SIK3: variants seen among roughly 807,000 people sequenced by gnomAD.
The protein encoded by SIK3 is serine/threonine-protein kinase SIK3.
Under a neutral mutation model 144.2 loss-of-function variants are expected in SIK3, and 28 were observed. The observed-to-expected ratio is 0.19, with a 90% CI of 0.14 to 0.27. SIK3 has a LOEUF of 0.27. SIK3 is among the 10% of genes least tolerant of loss of function. The pLI, the probability that SIK3 is intolerant of heterozygous loss-of-function variation, is 1.00. For synonymous variants in SIK3, 686 were observed against 676.3 expected, an observed-to-expected ratio of 1.01 and a Z score of -0.22; for missense variants, 1,319 against 1,776.0, an observed-to-expected ratio of 0.74 and a Z score of 4.62.
At chr11:117,032,995 A>C (rs1397756319) in intron 1 of SIK3, among the ~76,000 whole-genome samples, 1 of 152,202 alleles carries the variant, frequency 6.6e-6, no homozygotes, top group African/African-American at 2.4e-5. Context: ...GTCCTTACAA[A>C]AAGGTCCAGG....
chr11:117,026,709 C>G (rs947126814), intron 1 of SIK3, among the ~76,000 whole-genome samples: 3 of 152,176 alleles, frequency 2.0e-5, no homozygotes, highest in Non-Finnish European at 4.4e-5. Context: ...AATGGGCATA[C>G]CTCTGCCACA....
At position 116,857,931 on chromosome 11, in the gene SIK3, G is replaced by A. The variant is rs541502159; in HGVS notation, c.3534C>T (p.Thr1178=). The A allele has an allele frequency of 4.2e-5, 67 of 1,614,162 alleles. No homozygotes were observed. The highest frequency in any genetic ancestry group is 1.6e-4 in the Middle Eastern group (1 of 6,062). ...GCHDSPLLLS[T]GGPGDPESLL... is the part of the protein sequence containing the mutation. ...AAGATTCAGGGTCCCCAGGTCCACCGGTACTCAAGAGCAGAGGGCTGTCAT... is the reference window on the plus strand; with the variant it reads ...AAGATTCAGGGTCCCCAGGTCCACCAGTACTCAAGAGCAGAGGGCTGTCAT... Residue 1178 remains threonine (T), a synonymous_variant, in exon 21 of 25, where the codon ACC becomes ACT. Transcript: ENST00000445177.
At chr11:116,922,293 A>C (rs1036653633) in intron 4 of SIK3, among the ~76,000 whole-genome samples, 3 of 152,156 alleles carry the variant, frequency 2.0e-5, no homozygotes, top group African/African-American at 7.2e-5. Context: ...GGTTGAGGCC[A>C]AGAGTTTGAG....
chr11:116,870,383 G>A lies in SIK3; in HGVS notation c.1756C>T (p.Pro586Ser), dbSNP rs1943904332. 3 of 1,612,384 alleles carry A rather than the reference G, an allele frequency of 1.9e-6. No individual in the cohort carries two copies. The highest frequency in any genetic ancestry group is 1.1e-5 in the South Asian group (1 of 91,010). The part of the protein sequence containing the change: ...TMTPAVPAVT[P>S]VDEESSDGEP... ...CCGTCTGAGCTCTCCTCGTCCACAG[G>A]GGTAACTGCTGGCACTGCCTGAAGA... is the stretch of plus-strand genomic sequence containing the variant. Residue 586 changes from proline (P) to serine (S), a missense_variant, in exon 14 of 25, where the codon CCT becomes TCT. Around this residue, in one of 8 missense-constraint regions of SIK3, gnomAD observed 167 missense variants for 263.3 expected, o/e 0.63. Coordinates refer to ENST00000445177, the MANE Select transcript of SIK3 (RefSeq NM_001366686.3).
At chr11:117,077,191 T>A (rs2136031937) in intron 1 of SIK3, among the ~76,000 whole-genome samples, 1 of 152,262 alleles carries the variant, frequency 6.6e-6, no homozygotes, top group Admixed American at 6.5e-5. Flanking sequence ...TGGAATGACA[T>A]GACAGGACAT....
chr11:116,850,206 C>T (rs1298534944), intron 21 of SIK3, among the ~76,000 whole-genome samples: 2 of 152,188 alleles, frequency 1.3e-5, no homozygotes, highest in African/African-American at 4.8e-5. Flanking sequence ...CATAACCAAT[C>T]CCCTACTACT....
At chr11:116,898,803 C>T (rs1945572737) in intron 4 of SIK3, among the ~76,000 whole-genome samples, 1 of 151,978 alleles carries the variant, frequency 6.6e-6, no homozygotes, top group Non-Finnish European at 1.5e-5. Context: ...ATGTCCTTTG[C>T]CCACTTTTTG....
intron 1 of SIK3, among the ~76,000 whole-genome samples, chr11:117,079,858 A>G (rs1565623651): frequency 6.6e-6 from 1 of 152,238 alleles, no homozygotes; most frequent in East Asian, 1.9e-4. Flanking sequence ...TAAGGTAACT[A>G]ATTTCCCTAA....
intron 1 of SIK3, among the ~76,000 whole-genome samples, chr11:117,070,592 G>A (rs577700955): frequency 9.9e-5 from 15 of 151,796 alleles, no homozygotes; most frequent in Admixed American, 3.3e-4. Context: ...GATGACAGGC[G>A]CCCGCCATCA....
chr11:117,064,715 G>T (rs527958549), intron 1 of SIK3, among the ~76,000 whole-genome samples: 1 of 152,286 alleles, frequency 6.6e-6, no homozygotes, highest in African/African-American at 2.4e-5. Context: ...CAAAGGCAGG[G>T]TAATTAGTAG....
At chr11:116,847,734 T>G (rs938528155) in intron 22 of SIK3, 126 bp from the exon 23 acceptor site, 1 of 1,124,094 alleles carries the variant, frequency 8.9e-7, no homozygotes, top group Non-Finnish European at 1.3e-6. Context: ...TCCAGACTCC[T>G]TCCTCTAAAG....
At chr11:117,046,440 T>C (rs997745234) in intron 1 of SIK3, among the ~76,000 whole-genome samples, 1 of 152,248 alleles carries the variant, frequency 6.6e-6, no homozygotes, top group African/African-American at 2.4e-5. Flanking sequence ...AGGTGTCTCC[T>C]TGAATATTCT....
chr11:117,058,613 G>C (rs151322937), intron 1 of SIK3, among the ~76,000 whole-genome samples: 18 of 152,018 alleles, frequency 1.2e-4, no homozygotes, highest in African/African-American at 4.4e-4. Flanking sequence ...CTTTTTAAAG[G>C]TCACTCTGCT....
At chr11:116,914,924 T>C (rs1179432978) in intron 4 of SIK3, among the ~76,000 whole-genome samples, 1 of 152,214 alleles carries the variant, frequency 6.6e-6, no homozygotes, top group Admixed American at 6.5e-5. Flanking sequence ...TTTTCTATGA[T>C]TTATGATACA....
At chr11:117,090,811 G>A (rs919117143) in intron 1 of SIK3, among the ~76,000 whole-genome samples, 2 of 152,112 alleles carry the variant, frequency 1.3e-5, no homozygotes, top group Non-Finnish European at 2.9e-5. Flanking sequence ...GTGACAGAGT[G>A]GTATAATGCC....
intron 4 of SIK3, among the ~76,000 whole-genome samples, chr11:116,902,898 C>T: frequency 6.6e-6 from 1 of 152,136 alleles, no homozygotes; most frequent in East Asian, 1.9e-4. Flanking sequence ...GGATCTGATC[C>T]ACTCTCCCTT....
rs1428497618 is a variant in SIK3 at position 116,844,632 on chromosome 11, ATATTATAT to A, written c.*1003_*1010del. 1.9e-3 allele frequency: 107 copies of A among 55,980 alleles called. No homozygotes were observed. The highest frequency in any genetic ancestry group is 5.7e-3 in the African/African-American group (78 of 13,614). The allele number at this position is 55,980 out of a possible 1,614,324, so 3.5% of individuals were successfully genotyped here. The stretch of plus-strand genomic sequence containing the variant: ...ATTATATATATAATATATATATAAT[ATATTATAT>A]TATATATTATATATATAATATATAT... On this transcript the variant is annotated 3_prime_UTR_variant, in exon 25 of 25. Coordinates refer to ENST00000445177, the MANE Select transcript of SIK3 (RefSeq NM_001366686.3).
At chr11:116,918,861 G>A (rs560395334) in intron 4 of SIK3, among the ~76,000 whole-genome samples, 1 of 152,346 alleles carries the variant, frequency 6.6e-6, no homozygotes, top group South Asian at 2.1e-4. Flanking sequence ...ATTCAAGAGA[G>A]ATAATATTTC....
At position 116,858,129 on chromosome 11, in the gene SIK3, T is replaced by G. The variant is rs547832673; in HGVS notation, c.3336A>C (p.Gln1112His). 1.2e-6 allele frequency: 2 copies of G among 1,614,096 alleles called. No homozygotes were observed. The highest frequency in any genetic ancestry group is 1.3e-5 in the African/African-American group (1 of 75,020). The change falls in exon 21 of 25, where the codon CAA becomes CAC. Residue 1112 changes from glutamine (Q) to histidine (H), a missense_variant. This residue lies in a region of SIK3 where 646 missense variants were observed against 763.7 expected (regional missense o/e 0.85). Coordinates refer to ENST00000445177, the MANE Select transcript of SIK3 (RefSeq NM_001366686.3). The surrounding 1 kb of genome is among the most constrained non-coding windows in gnomAD (Gnocchi z 5.4). ...GTGAGACACATTCTTGTGCCCTGAT[T>G]TGTAGCAGATGCTGGGGGCTGGTGT... is the stretch of plus-strand genomic sequence containing the variant. ...HHHTSPQHLL[Q>H]IRAQECVSQA...
Sources: gnomAD v4.1 joint callset for allele counts (sites outside exome capture counted in the v4.1 genomes callset) on GRCh38, gnomAD v4.1.1 for gene constraint, gnomAD v4.1.1 regional missense constraint, Gnocchi (gnomAD v3.1) non-coding constraint, MANE v1.5 for transcripts, NCBI Gene and HGNC (gene_info 2026-07-23, HGNC 2026-07-21) for gene names.